PLA2R1: variants seen among roughly 807,000 people sequenced by gnomAD.
PLA2R1 encodes the protein secretory phospholipase A2 receptor.
A neutral mutation model predicts 195.9 loss-of-function variants in PLA2R1; 158 were observed. The observed-to-expected ratio is 0.81, with a 90% CI of 0.71 to 0.92. The LOEUF (loss-of-function observed/expected upper bound fraction) is 0.92. Ranked by LOEUF, PLA2R1 falls within the 40% of genes least tolerant of loss-of-function variation. The probability of loss-of-function intolerance (pLI) is 0.00; values close to 1 mark genes in which losing one functional copy is unlikely to be tolerated. For synonymous variants in PLA2R1, 586 were observed against 598.2 expected (o/e 0.98, Z 0.30); for missense variants, 1,626 against 1,764.6 (o/e 0.92, Z 1.41).
chr2:159,979,701 T>A (rs939694243), intron 14 of PLA2R1, 129 bp downstream of exon 14: 1 of 578,880 alleles, frequency 1.7e-6, no homozygotes, highest in South Asian at 2.3e-5. Context: ...CTCCTGGTAC[T>A]AAGGTCTGGT....
downstream of PLA2R1, among the ~76,000 whole-genome samples, chr2:159,928,176 C>A (rs1464513756): frequency 1.3e-5 from 2 of 152,176 alleles, no homozygotes; most frequent in African/African-American, 4.8e-5. Context: ...TAAACACCTG[C>A]AAAAGCTGAG....
chr2:159,969,735 G>A (rs1261339235), intron 18 of PLA2R1, among the ~76,000 whole-genome samples: 1 of 152,094 alleles, frequency 6.6e-6, no homozygotes, highest in African/African-American at 2.4e-5. Context: ...TAGAGAGAGA[G>A]TTTCTCCATG....
At chr2:160,006,824 T>C (rs941824825) in intron 10 of PLA2R1, among the ~76,000 whole-genome samples, 1 of 152,212 alleles carries the variant, frequency 6.6e-6, no homozygotes, top group Non-Finnish European at 1.5e-5. Context: ...GGTGGCTTTT[T>C]TCGTTACTGT....
At chr2:159,981,104 CTA>C (rs1689918336) in intron 13 of PLA2R1, among the ~76,000 whole-genome samples, 1 of 152,074 alleles carries the variant, frequency 6.6e-6, no homozygotes, top group South Asian at 2.1e-4. Flanking sequence ...ATTCAGAGTT[CTA>C]TGTCTTTCCT....
At chr2:159,999,893 A>T (rs1558892232) in intron 11 of PLA2R1, among the ~76,000 whole-genome samples, 1 of 152,184 alleles carries the variant, frequency 6.6e-6, no homozygotes, top group Non-Finnish European at 1.5e-5. Context: ...CAGATTAGGT[A>T]CCCTGAAAGA....
chr2:160,048,837 C>CT lies in PLA2R1; in HGVS notation c.110-3681_110-3680insA, dbSNP rs1559011533. Reference sequence around the variant, plus strand: ...AAAAGGATTCATTTATTAGAAGAAACATTTTTTTTTTTTTTTTTTTTGAGA... The same window carrying CT: ...AAAAGGATTCATTTATTAGAAGAAACTATTTTTTTTTTTTTTTTTTTTGAGA... On this transcript the variant is annotated intron_variant, in intron 1 of 29. Coordinates refer to ENST00000283243, the MANE Select transcript of PLA2R1 (RefSeq NM_007366.5). 2.3e-3 allele frequency among the ~76,000 whole-genome samples: 326 copies of CT among 143,762 alleles called. 3 individuals carry two copies. The highest frequency in any genetic ancestry group is 7.9e-3 in the African/African-American group (304 of 38,286). 94.3% of individuals were successfully genotyped at this position (143,762 alleles called of 152,430 possible). A position where few individuals can be genotyped will look rare whatever the true frequency, so the allele number is the denominator to read the frequency against.
intron 11 of PLA2R1, among the ~76,000 whole-genome samples, chr2:159,999,990 C>A (rs1458646729): frequency 6.6e-6 from 1 of 152,094 alleles, no homozygotes; most frequent in Non-Finnish European, 1.5e-5. Context: ...ACAAAATAAA[C>A]AAATCTATAG....
chr2:159,924,557 T>C, the PLA2R1 span, among the ~76,000 whole-genome samples: 1 of 152,246 alleles, frequency 6.6e-6, no homozygotes. Context: ...TCAAGTACGA[T>C]AGTCTTCAAA....
At chr2:159,961,732 C>T (rs755402624) in intron 20 of PLA2R1, among the ~76,000 whole-genome samples, 7 of 152,094 alleles carry the variant, frequency 4.6e-5, no homozygotes, top group African/African-American at 1.4e-4. Flanking sequence ...GCCACCATTC[C>T]CATAGATACA....
chr2:159,943,647 AC>A (rs1420769732), intron 28 of PLA2R1, among the ~76,000 whole-genome samples: 1 of 152,158 alleles, frequency 6.6e-6, no homozygotes, highest in African/African-American at 2.4e-5. Flanking sequence ...TTGCTCCACT[AC>A]CTTGGAAAGC....
chr2:160,044,975 C>A lies in PLA2R1; in HGVS notation c.292G>T (p.Glu98Ter). Residue 98 changes from glutamate (E) to a stop codon, truncating the protein, a stop_gained, in exon 2 of 30, where the codon GAG (glutamate) becomes TAG (stop). Transcript: ENST00000283243. LOFTEE classifies it high-confidence loss of function. ...GCLGLNFSAP[E>*]QPLSLYECDS... ...CATTCATATAAGCTTAATGGCTGCT[C>A]TGGGGCGGAGAAATTCAGGCCCAGG... 1 of 1,614,092 alleles carries A rather than the reference C, an allele frequency of 6.2e-7. No individual in the cohort carries two copies. The highest frequency in any genetic ancestry group is 8.5e-7 in the Non-Finnish European group (1 of 1,179,956).
chr2:160,033,211 G>C (rs1032368161), intron 3 of PLA2R1, 79 bp from the exon 4 acceptor site: 9 of 1,103,040 alleles, frequency 8.2e-6, no homozygotes, highest in Non-Finnish European at 1.0e-5. Context: ...AGTCTGAATG[G>C]AATTATTCCA....
At chr2:159,944,769 C>A in intron 28 of PLA2R1, 137 bp downstream of exon 28, 1 of 624,012 alleles carries the variant, frequency 1.6e-6, no homozygotes. Flanking sequence ...TTGTTTGGTG[C>A]AGAACACAAC....
intron 10 of PLA2R1, among the ~76,000 whole-genome samples, chr2:160,008,751 T>A (rs1692160151): frequency 6.6e-6 from 1 of 152,132 alleles, no homozygotes; most frequent in Non-Finnish European, 1.5e-5. Flanking sequence ...ATCAACAGAA[T>A]GAAAAGGCAA....
chr2:159,934,826 T>G lies in PLA2R1; in HGVS notation c.*6952A>C, dbSNP rs538594273. 5.3e-5 allele frequency: 8 copies of G among 152,316 alleles called. No homozygotes were observed. The South Asian group carries it at 1.7e-3, about 32-fold the overall frequency. 9.4% of individuals were successfully genotyped at this position (152,316 alleles called of 1,614,324 possible). A position where few individuals can be genotyped will look rare whatever the true frequency, so the allele number is the denominator to read the frequency against. Reference sequence around the variant, plus strand: ...ATCATCAAAACAAAGAAACTAATACTGGTACAATACTATTAATTAAACCAT... The same window carrying G: ...ATCATCAAAACAAAGAAACTAATACGGGTACAATACTATTAATTAAACCAT... On this transcript the variant is annotated 3_prime_UTR_variant, in exon 30 of 30. Coordinates refer to ENST00000283243, the MANE Select transcript of PLA2R1 (RefSeq NM_007366.5).
chr2:160,030,953 T>C (rs1165270980), intron 4 of PLA2R1, among the ~76,000 whole-genome samples: 1 of 152,224 alleles, frequency 6.6e-6, no homozygotes, highest in Non-Finnish European at 1.5e-5. Context: ...TGAGAAATCC[T>C]GGCAGTTAAG....
chr2:160,060,593 A>G (rs1169295476), intron 1 of PLA2R1, among the ~76,000 whole-genome samples: 1 of 152,234 alleles, frequency 6.6e-6, no homozygotes, highest in Admixed American at 6.5e-5. Context: ...ACCTTTTCAG[A>G]TGTGCAAATT....
chr2:160,042,158 A>G lies in PLA2R1; in HGVS notation c.534T>C (p.Cys178=). The change falls in exon 3 of 30, where the codon TGT becomes TGC. Residue 178 remains cysteine (C), a synonymous_variant. Transcript: ENST00000283243. The part of the protein sequence containing the change: ...TIKGNTHGMP[C]MFPFQYNHQW... ...GATGGTTATACTGGAAGGGAAACATACACGGCATCCCGTGGGTGTTCCCTT... is the reference window on the plus strand; with the variant it reads ...GATGGTTATACTGGAAGGGAAACATGCACGGCATCCCGTGGGTGTTCCCTT... 6.2e-7 allele frequency: 1 copy of G among 1,614,020 alleles called. No homozygotes were observed. Among genetic ancestry groups the G allele is most frequent in the Non-Finnish European group, 8.5e-7 (1 of 1,179,832 alleles).
intron 25 of PLA2R1, among the ~76,000 whole-genome samples, chr2:159,949,406 T>C (rs1383546887): frequency 6.6e-6 from 1 of 152,188 alleles, no homozygotes; most frequent in Non-Finnish European, 1.5e-5. Flanking sequence ...ATGCATTCTT[T>C]TTCTTGATAA....
Sources: gnomAD v4.1 joint callset for allele counts (sites outside exome capture counted in the v4.1 genomes callset) on GRCh38, gnomAD v4.1.1 for gene constraint, MANE v1.5 for transcripts, NCBI Gene and HGNC (gene_info 2026-07-23, HGNC 2026-07-21) for gene names.